The following ZNF366 variants were observed in gnomAD, a reference collection of about 807,000 sequenced individuals.
The protein encoded by ZNF366 is dendritic cell-specific transcript protein.
ZNF366 carries 20 observed loss-of-function variants against 47.2 expected under a neutral mutation model. The ratio of observed to expected loss-of-function variants is 0.42; its 90% CI spans 0.30 to 0.62. The LOEUF is 0.62. ZNF366 is among the 20% of genes least tolerant of loss of function. The pLI is 0.16. For missense variants in ZNF366, 987 were observed against 976.3 expected, an observed-to-expected ratio of 1.01 and a Z score of -0.15; for synonymous variants, 421 against 395.1, an observed-to-expected ratio of 1.07 and a Z score of -0.78.
At chr5:72,446,474 C>T (rs185132794) in intron 4 of ZNF366, among the ~76,000 whole-genome samples, 199 of 152,318 alleles carry the variant, frequency 1.3e-3, no homozygotes, top group Non-Finnish European at 1.9e-3. Context: ...GTTGATTAGA[C>T]GATTAAGGAG....
chr5:72,486,507 C>G (rs577093201), intron 1 of ZNF366, among the ~76,000 whole-genome samples: 40 of 152,324 alleles, frequency 2.6e-4, no homozygotes, highest in African/African-American at 9.6e-4. Context: ...CCACCACACA[C>G]AAATATACCA....
chr5:72,475,312 G>A (rs1315314818), intron 1 of ZNF366, among the ~76,000 whole-genome samples: 7 of 152,212 alleles, frequency 4.6e-5, no homozygotes, highest in African/African-American at 1.7e-4. Flanking sequence ...GGGTGGGAGA[G>A]AAGGGGGTCT....
chr5:72,471,921 A>G (rs1743573246), intron 1 of ZNF366, among the ~76,000 whole-genome samples: 1 of 152,168 alleles, frequency 6.6e-6, no homozygotes, highest in Non-Finnish European at 1.5e-5. Flanking sequence ...CCTGGCCTCA[A>G]GTGATCCTCC....
chr5:72,489,793 C>G (rs1276775883), intron 1 of ZNF366, among the ~76,000 whole-genome samples: 2 of 152,196 alleles, frequency 1.3e-5, no homozygotes, highest in Admixed American at 1.3e-4. Context: ...CTGAAATTTA[C>G]AAGAAGAAAA....
chr5:72,476,672 T>C (rs1242377957), intron 1 of ZNF366, among the ~76,000 whole-genome samples: 1 of 152,124 alleles, frequency 6.6e-6, no homozygotes, highest in Non-Finnish European at 1.5e-5. Flanking sequence ...AAAGGAAAAG[T>C]CCTGAACAGG....
chr5:72,447,818 A>G (rs1287126359), intron 3 of ZNF366, among the ~76,000 whole-genome samples: 1 of 152,168 alleles, frequency 6.6e-6, no homozygotes, highest in Non-Finnish European at 1.5e-5. Context: ...TCTACCATGG[A>G]ATATCTTATT....
rs1315978443 is a variant in ZNF366 at position 72,484,220 on chromosome 5, C to T, written c.-14-22710G>A. ...TCATTAATCGCCGGGCGCGGTGGCT[C>T]ACGCCTGTAATCCCAGCACTTTGGG... On this transcript the variant is annotated intron_variant, in intron 1 of 4. Coordinates refer to ENST00000318442, the MANE Select transcript of ZNF366 (RefSeq NM_152625.3). Among the ~76,000 whole-genome samples the T allele has an allele frequency of 2.0e-5, 3 of 152,114 alleles. No individual in the cohort carries two copies. In the East Asian group the frequency reaches 5.8e-4, roughly 29 times the overall value.
At chr5:72,483,447 C>T (rs1743827811) in intron 1 of ZNF366, among the ~76,000 whole-genome samples, 1 of 152,106 alleles carries the variant, frequency 6.6e-6, no homozygotes, top group African/African-American at 2.4e-5. Context: ...TTTGAGGTCA[C>T]ATTCCCTCTG....
intron 1 of ZNF366, among the ~76,000 whole-genome samples, chr5:72,486,724 G>A (rs13353920): frequency 0.16 from 25,083 of 152,020 alleles, 2,527 homozygotes; most frequent in East Asian, 0.38. Flanking sequence ...AGCCAATGCT[G>A]TAATGGTGCA....
chr5:72,456,134 C>T (rs1167805351), intron 3 of ZNF366, among the ~76,000 whole-genome samples: 1 of 152,206 alleles, frequency 6.6e-6, no homozygotes, highest in African/African-American at 2.4e-5. Flanking sequence ...CTTCCACCCT[C>T]AGACCTTTCC....
intron 1 of ZNF366, among the ~76,000 whole-genome samples, chr5:72,490,677 C>T (rs1743990555): frequency 6.6e-6 from 1 of 152,140 alleles, no homozygotes; most frequent in Non-Finnish European, 1.5e-5. Flanking sequence ...TTCGTCATGC[C>T]AGACTGTTGT....
chr5:72,493,040 T>G (rs958406619), intron 1 of ZNF366, among the ~76,000 whole-genome samples: 3 of 152,170 alleles, frequency 2.0e-5, no homozygotes, highest in Non-Finnish European at 4.4e-5. Flanking sequence ...ATTCCCCAAA[T>G]GTAGCCTCTG....
chr5:72,503,850 A>G (rs1580257745), intron 1 of ZNF366, among the ~76,000 whole-genome samples: 2 of 152,338 alleles, frequency 1.3e-5, no homozygotes, highest in East Asian at 3.9e-4. Context: ...AAGGACCTGA[A>G]TGGCTTTGGT....
intron 1 of ZNF366, chr5:72,472,646 C>G: frequency 7.7e-6 from 6 of 780,844 alleles, no homozygotes; most frequent in Non-Finnish European, 9.3e-6. Context: ...ATAGTAATTA[C>G]AGAATTACAC....
chr5:72,476,902 A>G (rs190597104), intron 1 of ZNF366, among the ~76,000 whole-genome samples: 209 of 152,024 alleles, frequency 1.4e-3, no homozygotes, highest in African/African-American at 4.6e-3. Flanking sequence ...TCTCTGCATG[A>G]CTATGATACT....
At chr5:72,486,099 AT>A (rs1227789497) in intron 1 of ZNF366, among the ~76,000 whole-genome samples, 13 of 152,002 alleles carry the variant, frequency 8.6e-5, no homozygotes, top group Admixed American at 2.6e-4. Context: ...GTCATTGTTC[AT>A]TTTCCTCCAC....
At chr5:72,475,672 G>A (rs1484064887) in intron 1 of ZNF366, among the ~76,000 whole-genome samples, 1 of 152,218 alleles carries the variant, frequency 6.6e-6, no homozygotes, top group Non-Finnish European at 1.5e-5. Context: ...AGGATATCAT[G>A]TTGGAGTGAG....
intron 2 of ZNF366, among the ~76,000 whole-genome samples, chr5:72,458,061 G>A (rs1743227156): frequency 7.8e-6 from 1 of 127,848 alleles, no homozygotes; most frequent in African/African-American, 3.0e-5. Context: ...CTGTTGCCCA[G>A]GCTGGAGTGC....
chr5:72,478,627 A>G (rs1743723381), intron 1 of ZNF366, among the ~76,000 whole-genome samples: 1 of 152,130 alleles, frequency 6.6e-6, no homozygotes, highest in African/African-American at 2.4e-5. Context: ...ATTTATTTTT[A>G]CCCCTAGAAA....
Sources: allele counts gnomAD v4.1 joint callset (sites outside exome capture counted in the v4.1 genomes callset), GRCh38; gene constraint gnomAD v4.1.1; transcripts MANE v1.5; gene names NCBI Gene and HGNC (gene_info 2026-07-23, HGNC 2026-07-21).